The following PRELID2 variants were observed in gnomAD, a reference collection of about 807,000 sequenced individuals.
PRELID2 encodes PRELI domain containing 2, also known as PRELI domain-containing protein 2.
In PRELID2, 25 loss-of-function variants were observed where a neutral mutation model predicts 28.4. That is an observed-to-expected ratio of 0.88 (90% CI 0.64 to 1.23). PRELID2 has a LOEUF of 1.23. Among genes scored for constraint, PRELID2 ranks in the 50% most tolerant of loss-of-function variants. PRELID2 has a pLI of 0.00. For synonymous variants in PRELID2, 76 were observed against 71.6 expected, an observed-to-expected ratio of 1.06 and a Z score of -0.31; for missense variants, 201 against 214.4, an observed-to-expected ratio of 0.94 and a Z score of 0.39.
intron 1 of PRELID2, among the ~76,000 whole-genome samples, chr5:145,695,114 A>G (rs1755231832): frequency 6.6e-6 from 1 of 152,192 alleles, no homozygotes; most frequent in Non-Finnish European, 1.5e-5. Flanking sequence ...ACAAGTAAAG[A>G]AAAAGATATA....
intron 1 of PRELID2, among the ~76,000 whole-genome samples, chr5:145,560,391 A>G (rs1455192104): frequency 6.6e-6 from 1 of 152,242 alleles, no homozygotes; most frequent in African/African-American, 2.4e-5. Context: ...GTAGGTGCTC[A>G]ATAATGTTTG....
At chr5:145,665,985 TTAA>T (rs1204031702) in intron 1 of PRELID2, among the ~76,000 whole-genome samples, 14 of 141,608 alleles carry the variant, frequency 9.9e-5, no homozygotes, top group African/African-American at 3.2e-4. Context: ...TGTCTTTTTT[TTAA>T]AAAAAAAAAA....
Position 145,797,737 on chromosome 5 carries a change from T to C in PRELID2, c.369-1190A>G, listed in dbSNP as rs72816431. Among the ~76,000 whole-genome samples, 1,452 of 152,128 alleles carry C rather than the reference T, an allele frequency of 9.5e-3. 21 individuals carry two copies. The highest frequency in any genetic ancestry group is 0.013 in the Non-Finnish European group (868 of 67,994). On this transcript the variant is annotated intron_variant, in intron 4 of 6. Transcript: ENST00000683046. ...GGCTGACTAGTGAAGGTCTTCCCTG[T>C]ATGAAGCCAGTCCATAAGACTGGGA...
chr5:145,425,070 GA>G, the PRELID2 span, among the ~76,000 whole-genome samples: 1 of 149,954 alleles, frequency 6.7e-6, no homozygotes, highest in African/African-American at 2.5e-5. Context: ...CAATGTACAA[GA>G]AAAAAAAACA....
intron 5 of PRELID2, among the ~76,000 whole-genome samples, chr5:145,786,498 A>G (rs2149802637): frequency 6.6e-6 from 1 of 152,322 alleles, no homozygotes; most frequent in East Asian, 1.9e-4. Flanking sequence ...GAATCCTACC[A>G]GCAACCATGT....
At chr5:145,565,010 G>A (rs1752954009) in intron 1 of PRELID2, among the ~76,000 whole-genome samples, 1 of 152,288 alleles carries the variant, frequency 6.6e-6, no homozygotes, top group South Asian at 2.1e-4. Flanking sequence ...CTAATGAGAT[G>A]AGCCAGGTAC....
chr5:145,494,638 AAG>A (rs1005505823), intron 1 of PRELID2, among the ~76,000 whole-genome samples: 1 of 152,200 alleles, frequency 6.6e-6, no homozygotes, highest in Non-Finnish European at 1.5e-5. Context: ...AAAAAAATAA[AAG>A]AGAGAGAATA....
the PRELID2 span, among the ~76,000 whole-genome samples, chr5:145,346,540 TG>T: frequency 1.3e-5 from 2 of 152,186 alleles, no homozygotes; most frequent in Non-Finnish European, 2.9e-5. Flanking sequence ...CTAACAGGGC[TG>T]TTCCATTTTA....
chr5:145,287,073 T>TA, the PRELID2 span, among the ~76,000 whole-genome samples: 3 of 152,168 alleles, frequency 2.0e-5, no homozygotes, highest in Non-Finnish European at 4.4e-5. Context: ...TATTAATATA[T>TA]TTTTTAAACA....
chr5:145,801,368 T>C (rs1280340966), intron 4 of PRELID2, among the ~76,000 whole-genome samples: 1 of 152,148 alleles, frequency 6.6e-6, no homozygotes, highest in East Asian at 1.9e-4. Flanking sequence ...GTCTTAAGAC[T>C]TTCTCCCCAC....
chr5:145,541,473 A>C (rs906085376), intron 1 of PRELID2, among the ~76,000 whole-genome samples: 1 of 152,090 alleles, frequency 6.6e-6, no homozygotes, highest in African/African-American at 2.4e-5. Context: ...CCCAGGCTAC[A>C]TGGAACCACA....
chr5:145,465,484 G>A, the PRELID2 span, among the ~76,000 whole-genome samples: 2 of 152,158 alleles, frequency 1.3e-5, no homozygotes. Context: ...AAGATGAGCA[G>A]TAGGAAGATA....
intron 1 of PRELID2, among the ~76,000 whole-genome samples, chr5:145,508,251 C>CATAAACAGATAG (rs761200984): frequency 9.5e-6 from 1 of 105,504 alleles, no homozygotes; most frequent in Admixed American, 1.0e-4. Context: ...GTTACTTTTG[C>CATAAACAGATAG]ATAGACAGAT....
intron 1 of PRELID2, among the ~76,000 whole-genome samples, chr5:145,479,912 G>A (rs1752141501): frequency 6.6e-6 from 1 of 152,176 alleles, no homozygotes; most frequent in Admixed American, 6.6e-5. Context: ...ACAGGAGCAT[G>A]TTTCATAGCT....
chr5:145,260,282 A>G, the PRELID2 span, among the ~76,000 whole-genome samples: 11 of 152,226 alleles, frequency 7.2e-5, no homozygotes, highest in East Asian at 1.9e-4. Flanking sequence ...GAAAGGATCA[A>G]TTCAGCATAT....
the PRELID2 span, among the ~76,000 whole-genome samples, chr5:145,314,120 T>C: frequency 3.9e-5 from 6 of 152,192 alleles, no homozygotes; most frequent in Non-Finnish European, 5.9e-5. Flanking sequence ...GCAGGAACCA[T>C]GAGACCTTCA....
At chr5:145,445,656 G>A in the PRELID2 span, among the ~76,000 whole-genome samples, 1 of 151,896 alleles carries the variant, frequency 6.6e-6, no homozygotes, top group Admixed American at 6.6e-5. Context: ...TATATAAGGT[G>A]CTCAAGCAAC....
At chr5:145,376,714 T>C in the PRELID2 span, among the ~76,000 whole-genome samples, 31 of 152,304 alleles carry the variant, frequency 2.0e-4, no homozygotes, top group African/African-American at 7.2e-4. Flanking sequence ...AGGTTGTTTG[T>C]ATTTCTGTAG....
rs191853624 is a variant in PRELID2, at chr5:145,821,312, T to A, written c.134-1294A>T. 3.0e-4 allele frequency among the ~76,000 whole-genome samples: 43 copies of A among 145,282 alleles called. No individual in the cohort carries two copies. The East Asian group carries it at 7.1e-3, about 24-fold the overall frequency. Reference sequence around the variant, plus strand: ...TTAAGCTCTCTTCTGTGTGTGTGTATGTGTGTAAGCCCTCTTCTGTGTATG... The same window carrying A: ...TTAAGCTCTCTTCTGTGTGTGTGTAAGTGTGTAAGCCCTCTTCTGTGTATG... On this transcript the variant is annotated intron_variant, in intron 2 of 6. Transcript: ENST00000683046.
Sources: allele counts gnomAD v4.1 joint callset (sites outside exome capture counted in the v4.1 genomes callset), GRCh38; gene constraint gnomAD v4.1.1; transcripts MANE v1.5; gene names NCBI Gene and HGNC (gene_info 2026-07-23, HGNC 2026-07-21).